CCDC171: variants seen among roughly 807,000 people sequenced by gnomAD.
CCDC171 encodes coiled-coil domain containing 171, also known as coiled-coil domain-containing protein 171.
In CCDC171, 177 loss-of-function variants were observed where a neutral mutation model predicts 168.2. That is an observed-to-expected ratio of 1.05 (90% confidence interval 0.93 to 1.19). CCDC171 has a LOEUF of 1.19. CCDC171 is among the 50% of genes most tolerant of loss of function. CCDC171 has a pLI of 0.00. For missense variants in CCDC171, 1,991 were observed against 1,539.0 expected (o/e 1.29, Z -4.91); for synonymous variants, 687 against 540.8 (o/e 1.27, Z -3.75).
chr9:15,636,865 A>G (rs1172273122), intron 7 of CCDC171, among the ~76,000 whole-genome samples: 1 of 152,160 alleles, frequency 6.6e-6, no homozygotes, highest in Admixed American at 6.6e-5. Flanking sequence ...ATCACTAAAA[A>G]CATTTTATTA....
At chr9:16,050,767 A>C (rs1349687100) in intron 1 of CCDC171, among the ~76,000 whole-genome samples, 11 of 152,270 alleles carry the variant, frequency 7.2e-5, no homozygotes, top group Non-Finnish European at 1.0e-4. Context: ...GTGAAAAATA[A>C]AATTTCACAA....
intron 7 of CCDC171, among the ~76,000 whole-genome samples, chr9:15,628,211 G>A (rs572963241): frequency 8.5e-5 from 13 of 152,260 alleles, no homozygotes; most frequent in Admixed American, 1.3e-4. Flanking sequence ...TGCACCAGCC[G>A]AAGCAGGGCG....
At chr9:15,653,145 C>G (rs975592476) in intron 7 of CCDC171, among the ~76,000 whole-genome samples, 20 of 152,096 alleles carry the variant, frequency 1.3e-4, no homozygotes, top group Admixed American at 1.3e-3. Context: ...AAAATATATA[C>G]CTATATATTT....
chr9:15,809,968 C>T lies in CCDC171; in HGVS notation c.3267+25274C>T, dbSNP rs190202471. Among the ~76,000 whole-genome samples the T allele has an allele frequency of 1.1e-4, 16 of 152,264 alleles. No individual in the cohort carries two copies. In the South Asian group the frequency reaches 2.3e-3, roughly 22 times the overall value. On this transcript the variant is annotated intron_variant, in intron 21 of 25. Transcript: ENST00000380701. ...CAGAGAGCTGATTGGTCCGTTTTGACAGGGTGCCGATTGGTGCATTTACAA... is the reference window on the plus strand; with the variant it reads ...CAGAGAGCTGATTGGTCCGTTTTGATAGGGTGCCGATTGGTGCATTTACAA...
chr9:15,929,314 C>A (rs187724021), intron 25 of CCDC171, among the ~76,000 whole-genome samples: 2 of 151,704 alleles, frequency 1.3e-5, no homozygotes, highest in African/African-American at 4.8e-5. Flanking sequence ...TGAGTGTCTC[C>A]CCTACTATTT....
At chr9:15,688,718 G>A (rs1426339273) in intron 10 of CCDC171, among the ~76,000 whole-genome samples, 1 of 152,116 alleles carries the variant, frequency 6.6e-6, no homozygotes, top group African/African-American at 2.4e-5. Flanking sequence ...CTCAAGAAGA[G>A]CATCTATAGA....
intron 25 of CCDC171, among the ~76,000 whole-genome samples, chr9:15,965,376 C>T (rs547971914): frequency 2.6e-5 from 4 of 152,264 alleles, no homozygotes; most frequent in South Asian, 4.1e-4. Flanking sequence ...TGAGGCTAGG[C>T]TATATCTTCT....
At position 15,643,178 on chromosome 9, in the gene CCDC171, A is replaced by G. The variant is rs1564120849; in HGVS notation, c.823-13949A>G. Reference sequence around the variant, plus strand: ...TGGTCCTTTGCTAGCTTTTAAAATCATTTATTCTCAATCCTATGGGCTATT... The same window carrying G: ...TGGTCCTTTGCTAGCTTTTAAAATCGTTTATTCTCAATCCTATGGGCTATT... On this transcript the variant is annotated intron_variant, in intron 7 of 25. Transcript: ENST00000380701. 2.0e-5 allele frequency among the ~76,000 whole-genome samples: 3 copies of G among 152,100 alleles called. No individual in the cohort carries two copies. The South Asian group carries it at 6.2e-4, about 32-fold the overall frequency.
At chr9:15,770,224 G>A (rs1188837016) in intron 18 of CCDC171, among the ~76,000 whole-genome samples, 1 of 152,072 alleles carries the variant, frequency 6.6e-6, no homozygotes, top group African/African-American at 2.4e-5. Context: ...ATGATGCCTT[G>A]TTGAAGACCA....
At chr9:15,760,924 C>G (rs971869943) in intron 18 of CCDC171, among the ~76,000 whole-genome samples, 2 of 152,080 alleles carry the variant, frequency 1.3e-5, no homozygotes, top group Admixed American at 1.3e-4. Flanking sequence ...GGTGTGCCTG[C>G]AAGAGATCAT....
chr9:16,084,543 A>G, the CCDC171 span, among the ~76,000 whole-genome samples: 2 of 152,310 alleles, frequency 1.3e-5, no homozygotes, highest in South Asian at 2.1e-4. Flanking sequence ...AGCATTGCCA[A>G]TTAGAAAGTG....
At chr9:15,969,009 G>A (rs1288651186) in intron 25 of CCDC171, among the ~76,000 whole-genome samples, 1 of 152,066 alleles carries the variant, frequency 6.6e-6, no homozygotes, top group Non-Finnish European at 1.5e-5. Context: ...ACTTTTGGGG[G>A]GTACAAGACT....
intron 23 of CCDC171, among the ~76,000 whole-genome samples, chr9:15,863,517 A>G (rs1563894635): frequency 6.6e-6 from 1 of 150,632 alleles, no homozygotes; most frequent in African/African-American, 2.4e-5. Flanking sequence ...TTTTCTAACT[A>G]CCCCCACCCC....
intron 9 of CCDC171, among the ~76,000 whole-genome samples, chr9:15,675,047 T>C (rs2049422649): frequency 6.6e-6 from 1 of 152,218 alleles, no homozygotes; most frequent in South Asian, 2.1e-4. Flanking sequence ...GGTGCTCCTG[T>C]ATTGGGCGAA....
At chr9:15,700,262 C>A (rs1420740108) in intron 11 of CCDC171, among the ~76,000 whole-genome samples, 5 of 152,234 alleles carry the variant, frequency 3.3e-5, no homozygotes, top group African/African-American at 1.2e-4. Context: ...ACCCCGTACA[C>A]CCTCTGCAGC....
chr9:15,886,620 A>G (rs1038076964), intron 24 of CCDC171: 2 of 152,168 alleles, frequency 1.3e-5, no homozygotes, highest in Non-Finnish European at 2.9e-5. Flanking sequence ...CTGGGTATAC[A>G]TCAAAAGGAA....
In CCDC171 at chr9:15,577,241, G is replaced by A. The variant is rs141153101; in HGVS notation, c.178-1608G>A. Among the ~76,000 whole-genome samples, 154 of 152,210 alleles carry A rather than the reference G, an allele frequency of 1.0e-3. 3 individuals carry two copies. The East Asian group carries it at 0.023, about 23-fold the overall frequency. On this transcript the variant is annotated intron_variant, in intron 3 of 25. Transcript: ENST00000380701. Reference sequence around the variant, plus strand: ...TATTTTAAAGTCACCATAAAAACTCGTTTTTCTGACTGTCTTGAACTGAGA... The same window carrying A: ...TATTTTAAAGTCACCATAAAAACTCATTTTTCTGACTGTCTTGAACTGAGA...
At chr9:16,051,218 T>C (rs1833744724) in intron 1 of CCDC171, among the ~76,000 whole-genome samples, 1 of 152,232 alleles carries the variant, frequency 6.6e-6, no homozygotes, top group Admixed American at 6.5e-5. Context: ...TCTTTGGGGA[T>C]GATAGCCCAA....
intron 25 of CCDC171, among the ~76,000 whole-genome samples, chr9:15,966,071 T>C (rs1216663965): frequency 6.6e-6 from 1 of 152,186 alleles, no homozygotes; most frequent in African/African-American, 2.4e-5. Context: ...TACAAAGTCA[T>C]GATTCCATCA....
Sources: allele counts gnomAD v4.1 joint callset (sites outside exome capture counted in the v4.1 genomes callset), GRCh38; gene constraint gnomAD v4.1.1; transcripts MANE v1.5; gene names NCBI Gene and HGNC (gene_info 2026-07-23, HGNC 2026-07-21).